The following APP variants were observed in gnomAD, a reference collection of about 807,000 sequenced individuals.
APP encodes the protein amyloid beta precursor protein, also known as amyloid-beta precursor protein.
A neutral mutation model predicts 101.4 loss-of-function variants in APP; 31 were observed. The observed-to-expected ratio is 0.31, with a 90% confidence interval of 0.23 to 0.41. The LOEUF (loss-of-function observed/expected upper bound fraction) is 0.41. Ranked by LOEUF, APP falls within the 10% of genes least tolerant of loss-of-function variation. The pLI is 1.00. For missense variants in APP, 839 were observed against 1,003.7 expected (o/e 0.84, Z 2.22); for synonymous variants, 366 against 364.4 (o/e 1.00, Z -0.05).
chr21:26,012,486 T>C (rs958159926), intron 6 of APP, among the ~76,000 whole-genome samples: 2 of 152,092 alleles, frequency 1.3e-5, no homozygotes, highest in African/African-American at 4.8e-5. Context: ...GAAGAGGTGG[T>C]TGGAAACCAA....
intron 13 of APP, among the ~76,000 whole-genome samples, chr21:25,951,289 G>T (rs769691830): frequency 3.9e-5 from 6 of 152,156 alleles, no homozygotes; most frequent in Non-Finnish European, 7.3e-5. Flanking sequence ...CCATAAAAGA[G>T]AATTCTAATT....
At chr21:26,163,906 T>C (rs530512555) in intron 1 of APP, among the ~76,000 whole-genome samples, 25 of 152,364 alleles carry the variant, frequency 1.6e-4, no homozygotes, top group African/African-American at 5.3e-4. Context: ...CAGATCACTA[T>C]AAAGTTTTAA....
chr21:26,064,997 G>GC (rs1361796843), intron 3 of APP, among the ~76,000 whole-genome samples: 1 of 152,220 alleles, frequency 6.6e-6, no homozygotes, highest in Non-Finnish European at 1.5e-5. Context: ...GGGACTACAG[G>GC]CCTGCGCCAC....
chr21:26,008,759 G>A (rs1272977007), intron 6 of APP, among the ~76,000 whole-genome samples: 1 of 152,126 alleles, frequency 6.6e-6, no homozygotes, highest in African/African-American at 2.4e-5. Flanking sequence ...TTGGTCTTGA[G>A]GTGTGAATTT....
rs139393235 is a variant in APP, at chr21:26,165,125, C to A, written c.57+5439G>T. On this transcript the variant is annotated intron_variant, in intron 1 of 17. Coordinates refer to ENST00000346798, the MANE Select transcript of APP (RefSeq NM_000484.4). ...TTTAAATTTAGATCAAACTCATAGA[C>A]AACAATCTGTCAATTTCCTGCAATA... is the stretch of plus-strand genomic sequence containing the variant. 1.9e-3 allele frequency among the ~76,000 whole-genome samples: 286 copies of A among 152,282 alleles called. 1 individual carries two copies. The highest frequency in any genetic ancestry group is 6.6e-3 in the African/African-American group (276 of 41,556).
intron 11 of APP, among the ~76,000 whole-genome samples, chr21:25,972,201 A>G (rs756379520): frequency 6.6e-6 from 1 of 152,206 alleles, no homozygotes; most frequent in Non-Finnish European, 1.5e-5. Context: ...ATTTCTATAT[A>G]CAACAACTAC....
At chr21:25,911,661 T>C (rs1018401615) in intron 14 of APP, 80 bp downstream of exon 14, 18 of 1,294,140 alleles carry the variant, frequency 1.4e-5, no homozygotes, top group Non-Finnish European at 2.0e-5. Flanking sequence ...ATACAAAAGA[T>C]AACTCTCTCT....
At chr21:26,090,107 T>G (rs1212505422) in intron 2 of APP, 35 bp from the exon 3 acceptor site, 1 of 1,613,002 alleles carries the variant, frequency 6.2e-7, no homozygotes, top group African/African-American at 1.3e-5. Flanking sequence ...AATTGTTACT[T>G]GAGGCAGGGG....
At chr21:26,046,325 G>A (rs189072580) in intron 5 of APP, among the ~76,000 whole-genome samples, 3 of 151,374 alleles carry the variant, frequency 2.0e-5, no homozygotes, top group Non-Finnish European at 2.9e-5. Context: ...CAGGAGAATC[G>A]TTTGAACCCA....
intron 9 of APP, among the ~76,000 whole-genome samples, chr21:25,979,854 C>CA (rs375482755): frequency 1 from 151,975 of 151,976 alleles, 75,987 homozygotes; most frequent in Non-Finnish European, 1. Context: ...ATGCAGGTAG[C>CA]AGGCTTCATG....
intron 8 of APP, among the ~76,000 whole-genome samples, chr21:25,983,159 A>T (rs373816779): frequency 8.5e-5 from 13 of 152,256 alleles, no homozygotes; most frequent in East Asian, 3.8e-4. Flanking sequence ...ACTGCTAAGC[A>T]ATATTTGAAT....
intron 3 of APP, among the ~76,000 whole-genome samples, chr21:26,060,277 C>T (rs768319775): frequency 6.6e-6 from 1 of 152,188 alleles, no homozygotes; most frequent in Non-Finnish European, 1.5e-5. Context: ...CATGTGAGTA[C>T]TGCTTATGAT....
chr21:25,921,406 C>CA (rs1396126545), intron 13 of APP, among the ~76,000 whole-genome samples: 4 of 143,914 alleles, frequency 2.8e-5, no homozygotes, highest in Admixed American at 7.0e-5. Flanking sequence ...AATAGAGACA[C>CA]AAAAAACCCT....
intron 2 of APP, among the ~76,000 whole-genome samples, chr21:26,091,403 C>T (rs761431752): frequency 1.3e-5 from 2 of 152,062 alleles, no homozygotes; most frequent in East Asian, 3.9e-4. Flanking sequence ...GGAGGAGTTG[C>T]AGTGATTGGT....
intron 17 of APP, among the ~76,000 whole-genome samples, chr21:25,886,780 C>T (rs985204468): frequency 1.3e-5 from 2 of 152,058 alleles, no homozygotes; most frequent in Non-Finnish European, 2.9e-5. Flanking sequence ...CTGCACCCCC[C>T]CTCACTTTTC....
At chr21:26,127,234 C>G (rs903804644) in intron 1 of APP, among the ~76,000 whole-genome samples, 5 of 151,636 alleles carry the variant, frequency 3.3e-5, no homozygotes, top group African/African-American at 9.7e-5. Flanking sequence ...TATTTCTGGG[C>G]AAAGTTCACC....
At chr21:26,074,346 G>A (rs932272510) in intron 3 of APP, among the ~76,000 whole-genome samples, 3 of 152,182 alleles carry the variant, frequency 2.0e-5, no homozygotes, top group Non-Finnish European at 4.4e-5. Flanking sequence ...AGGATGACAG[G>A]AGTTCATGTT....
Position 26,068,864 on chromosome 21 carries a change from C to T in APP, c.356-15516G>A, listed in dbSNP as rs2046563617. On this transcript the variant is annotated intron_variant, in intron 3 of 17. Coordinates refer to ENST00000346798, the MANE Select transcript of APP (RefSeq NM_000484.4). ...AACAGCCTCCTCCACTCTTTCAATT[C>T]TGACCTTTCACTTAGCATTCCCAGT... Among the ~76,000 whole-genome samples, 3 of 152,330 alleles carry T rather than the reference C, an allele frequency of 2.0e-5. No homozygotes were observed. The South Asian group carries it at 6.2e-4, about 32-fold the overall frequency.
At chr21:26,108,329 GATC>G (rs2062230894) in intron 2 of APP, among the ~76,000 whole-genome samples, 1 of 152,206 alleles carries the variant, frequency 6.6e-6, no homozygotes, top group South Asian at 2.1e-4. Flanking sequence ...AAATGAATGT[GATC>G]ATTTTACAGG....
Sources: gnomAD v4.1 joint callset for allele counts (sites outside exome capture counted in the v4.1 genomes callset) on GRCh38, gnomAD v4.1.1 for gene constraint, MANE v1.5 for transcripts, NCBI Gene and HGNC (gene_info 2026-07-23, HGNC 2026-07-21) for gene names.